Variants in GCNT3 observed in about 807,000 individuals in gnomAD.
GCNT3 encodes beta-1,3-galactosyl-O-glycosyl-glycoprotein beta-1,6-N-acetylglucosaminyltransferase 3.
For missense variants in GCNT3, 708 were observed against 530.3 expected, an observed-to-expected ratio of 1.34 and a Z score of -3.29; for synonymous variants, 269 against 195.2, an observed-to-expected ratio of 1.38 and a Z score of -3.15.
rs900360411 is a variant in GCNT3 at position 59,616,836 on chromosome 15, C to G, written c.-106C>G. 1 of 152,182 alleles carries G rather than the reference C, an allele frequency of 6.6e-6. No homozygotes were observed. Among genetic ancestry groups the G allele is most frequent in the Non-Finnish European group, 1.5e-5 (1 of 68,046 alleles). 9.4% of individuals were successfully genotyped at this position (152,182 alleles called of 1,614,324 possible). ...CAGTCTTCACTTGGAAACAGAATCA[C>G]GCCTTGTGAAGAGATCATCCCTAAG... On this transcript the variant is annotated 5_prime_UTR_variant, in exon 2 of 3. Coordinates refer to ENST00000396065, the MANE Select transcript of GCNT3 (RefSeq NM_004751.3).
rs1378719436 is a variant in GCNT3 at position 59,613,966 on chromosome 15, A to T, written c.-251+1985A>T. On this transcript the variant is annotated intron_variant, in intron 1 of 2. Transcript: ENST00000396065. ...CAGGAGTTCGAGGCTGCAGTGAGCT[A>T]TGATCTGCCACTGCACTCCAGCCTG... Among the ~76,000 whole-genome samples the T allele has an allele frequency of 2.0e-5, 3 of 152,184 alleles. No homozygotes were observed. In the East Asian group the frequency reaches 5.8e-4, roughly 29 times the overall value.
chr15:59,618,859 C>T lies in GCNT3; in HGVS notation c.621C>T (p.Leu207=), dbSNP rs1242885257. 2 of 1,614,020 alleles carry T rather than the reference C, an allele frequency of 1.2e-6. No homozygotes were observed. Among genetic ancestry groups the T allele is most frequent in the African/African-American group, 2.7e-5 (2 of 74,900 alleles). Residue 207 remains leucine (L), a synonymous_variant, in exon 3 of 3, where the codon CTC becomes CTT. Transcript: ENST00000396065. The part of the protein sequence containing the change: ...YASWSRVQAD[L]NCMEDLLQSS... ...CCTGGTCCAGGGTGCAAGCTGACCTCAACTGCATGGAAGACTTGCTCCAGA... is the reference window on the plus strand; with the variant it reads ...CCTGGTCCAGGGTGCAAGCTGACCTTAACTGCATGGAAGACTTGCTCCAGA...
chr15:59,612,581 C>T (rs1317408916), intron 1 of GCNT3, among the ~76,000 whole-genome samples: 4 of 152,160 alleles, frequency 2.6e-5, no homozygotes, highest in African/African-American at 9.7e-5. Flanking sequence ...CATCATACCC[C>T]AGGTTTCAGT....
chr15:59,615,270 C>T (rs1423081784), intron 1 of GCNT3: 1 of 152,196 alleles, frequency 6.6e-6, no homozygotes, highest in Non-Finnish European at 1.5e-5. Context: ...TGTAGCTGCA[C>T]TAAATTCAGT....
At position 59,622,158 on chromosome 15, in the gene GCNT3, T is replaced by A. The variant is rs561131964; in HGVS notation, c.*2603T>A. On this transcript the variant is annotated 3_prime_UTR_variant, in exon 3 of 3. Coordinates refer to ENST00000396065, the MANE Select transcript of GCNT3 (RefSeq NM_004751.3). ...TGAATCCCCATCTCTACTAAAAATA[T>A]AAAAATTAGCCAGACATGGTGGTGG... The A allele has an allele frequency of 2.0e-5, 3 of 151,392 alleles. No homozygotes were observed. Among genetic ancestry groups the A allele is most frequent in the Admixed American group, 1.3e-4 (2 of 15,198 alleles). 9.4% of individuals were successfully genotyped at this position (151,392 alleles called of 1,614,324 possible). A position where few individuals can be genotyped will look rare whatever the true frequency, so the allele number is the denominator to read the frequency against.
At chr15:59,615,558 T>C (rs1385582969) in intron 1 of GCNT3, among the ~76,000 whole-genome samples, 1 of 152,116 alleles carries the variant, frequency 6.6e-6, no homozygotes, top group Non-Finnish European at 1.5e-5. Context: ...ATATCTTAAC[T>C]TTATACCTAG....
At chr15:59,613,217 C>T (rs1311468445) in intron 1 of GCNT3, among the ~76,000 whole-genome samples, 1 of 152,042 alleles carries the variant, frequency 6.6e-6, no homozygotes, top group Non-Finnish European at 1.5e-5. Flanking sequence ...TGTTGCAGAT[C>T]ATTCAGCTTG....
rs2082737097 is a variant in GCNT3, at chr15:59,619,454, C to T, written c.1216C>T (p.His406Tyr). The change falls in exon 3 of 3, where the codon CAC (histidine) becomes TAC (tyrosine). Residue 406 changes from histidine (H) to tyrosine (Y), a missense_variant. Transcript: ENST00000396065. Reference sequence around the variant, plus strand: ...CTTGAATTGGATGCTTCAAAACCATCACCTGTTGGCCAACAAGTTTGACCC... The same window carrying T: ...CTTGAATTGGATGCTTCAAAACCATTACCTGTTGGCCAACAAGTTTGACCC... ...GDLNWMLQNH[H>Y]LLANKFDPKV... 1 of 1,613,982 alleles carries T rather than the reference C, an allele frequency of 6.2e-7. No individual in the cohort carries two copies. Among genetic ancestry groups the T allele is most frequent in the Admixed American group, 1.7e-5 (1 of 59,996 alleles).
In GCNT3 at chr15:59,618,982, G is replaced by A. The variant is rs137968077; in HGVS notation, c.744G>A (p.Gly248=). The change falls in exon 3 of 3, where the codon GGG becomes GGA. Residue 248 remains glycine, a synonymous_variant. Coordinates refer to ENST00000396065, the MANE Select transcript of GCNT3 (RefSeq NM_004751.3). ...TCCAGGCTCTCAAGATGTTGAATGG[G>A]AGGAATAGCATGGAGTCAGAGGTAC... The part of the protein sequence containing the change: ...EMVQALKMLN[G]RNSMESEVPP... 7.2e-4 allele frequency: 1,169 copies of A among 1,614,078 alleles called. 3 individuals carry two copies. The highest frequency in any genetic ancestry group is 1.2e-3 in the Middle Eastern group (7 of 6,062).
rs142912740 is a variant in GCNT3 at position 59,619,568 on chromosome 15, G to A, written c.*13G>A. 1 of 1,487,288 alleles carries A rather than the reference G, an allele frequency of 6.7e-7. No homozygotes were observed. Among genetic ancestry groups the A allele is most frequent in the East Asian group, 2.3e-5 (1 of 44,064 alleles). 92.1% of individuals were successfully genotyped at this position (1,487,288 alleles called of 1,614,324 possible). ...GACTGAACTTTGAGACACACTATGAGAGCGTTGCTACCTGTGGGGCAAGAG... is the reference window on the plus strand; with the variant it reads ...GACTGAACTTTGAGACACACTATGAAAGCGTTGCTACCTGTGGGGCAAGAG... On this transcript the variant is annotated 3_prime_UTR_variant, in exon 3 of 3. Coordinates refer to ENST00000396065, the MANE Select transcript of GCNT3 (RefSeq NM_004751.3).
chr15:59,618,895 G>T lies in GCNT3; in HGVS notation c.657G>T (p.Pro219=), dbSNP rs200140304. ...AAGACTTGCTCCAGAGCTCAGTGCC[G>T]TGGAAATACTTCCTGAATACATGTG... ...CMEDLLQSSV[P]WKYFLNTCGT... Residue 219 remains proline (P), a synonymous_variant, in exon 3 of 3, where the codon CCG becomes CCT. Coordinates refer to ENST00000396065, the MANE Select transcript of GCNT3 (RefSeq NM_004751.3). 3.1e-6 allele frequency: 5 copies of T among 1,614,118 alleles called. No individual in the cohort carries two copies. The highest frequency in any genetic ancestry group is 3.4e-6 in the Non-Finnish European group (4 of 1,180,016).
intron 1 of GCNT3, among the ~76,000 whole-genome samples, chr15:59,615,866 C>T (rs1196732774): frequency 1.3e-5 from 2 of 152,100 alleles, no homozygotes; most frequent in East Asian, 1.9e-4. Flanking sequence ...CCAGCCTGGG[C>T]GACAGAGCCA....
intron 1 of GCNT3, among the ~76,000 whole-genome samples, chr15:59,616,238 G>A (rs1269267235): frequency 1.3e-5 from 2 of 152,166 alleles, no homozygotes; most frequent in African/African-American, 4.8e-5. Context: ...GGGAGCAGTT[G>A]CATTTGAAGA....
chr15:59,619,022 G>A lies in GCNT3; in HGVS notation c.784G>A (p.Glu262Lys). Reference protein sequence around the residue: ...MESEVPPKHKETRWKYHFEVV... With the variant: ...MESEVPPKHKKTRWKYHFEVV... ...GTCAGAGGTACCTCCTAAGCACAAA[G>A]AAACCCGCTGGAAATATCACTTTGA... The change falls in exon 3 of 3, where the codon GAA becomes AAA. Residue 262 changes from glutamate (E) to lysine (K), a missense_variant. Transcript: ENST00000396065. The A allele has an allele frequency of 1.2e-6, 2 of 1,614,118 alleles. No individual in the cohort carries two copies. Among genetic ancestry groups the A allele is most frequent in the Non-Finnish European group, 1.7e-6 (2 of 1,180,020 alleles).
At position 59,616,685 on chromosome 15, in the gene GCNT3, T is replaced by G. The variant is rs1202113499; in HGVS notation, c.-250-7T>G. 2 of 152,202 alleles carry G rather than the reference T, an allele frequency of 1.3e-5. No homozygotes were observed. The highest frequency in any genetic ancestry group is 4.8e-5 in the African/African-American group (2 of 41,442). 9.4% of individuals were successfully genotyped at this position (152,202 alleles called of 1,614,324 possible). ...GATGGAGCCACCTGCTGCCCTCTAC[T>G]TTGCAGATATTAAAGAGGAGCCTGA... On this transcript the variant is annotated splice_region_variant and splice_polypyrimidine_tract_variant and intron_variant, in intron 1 of 2. Coordinates refer to ENST00000396065, the MANE Select transcript of GCNT3 (RefSeq NM_004751.3).
Position 59,620,944 on chromosome 15 carries a change from C to A in GCNT3, c.*1389C>A, listed in dbSNP as rs1308680188. 2.5e-5 allele frequency: 3 copies of A among 120,244 alleles called. No individual in the cohort carries two copies. Among genetic ancestry groups the A allele is most frequent in the African/African-American group, 9.5e-5 (3 of 31,586 alleles). The allele number at this position is 120,244 out of a possible 1,614,324, so 7.4% of individuals were successfully genotyped here. The stretch of plus-strand genomic sequence containing the variant: ...TGTTGCCCAGGCTGGAGTGCAGTGG[C>A]ATGATCTTGGCTCACTGAAGCCTCT... On this transcript the variant is annotated 3_prime_UTR_variant, in exon 3 of 3. Transcript: ENST00000396065.
intron 1 of GCNT3, among the ~76,000 whole-genome samples, chr15:59,612,231 A>G (rs1189750664): frequency 6.6e-6 from 1 of 152,204 alleles, no homozygotes; most frequent in African/African-American, 2.4e-5. Flanking sequence ...ACAAGGATTT[A>G]TAATTCAAAG....
chr15:59,612,072 C>G (rs560433775), intron 1 of GCNT3, 91 bp downstream of exon 1: 9 of 152,254 alleles, frequency 5.9e-5, no homozygotes, highest in African/African-American at 2.2e-4. Context: ...GGGCCCTTCT[C>G]TGACGCTGGT....
rs569867643 is a variant in GCNT3 at position 59,618,762 on chromosome 15, C to G, written c.524C>G (p.Ala175Gly). Residue 175 changes from alanine (A) to glycine (G), a missense_variant, in exon 3 of 3, where the codon GCG (alanine) becomes GGG (glycine). Ala to Gly is a moderately conservative substitution (Grantham distance 60). Transcript: ENST00000396065. The part of the protein sequence containing the change: ...DEKSPETFKE[A>G]VKAIISCFPN... ...AAGTCCCCAGAAACTTTCAAAGAGG[C>G]GGTCAAAGCAATTATTTCTTGCTTC... The G allele has an allele frequency of 6.2e-7, 1 of 1,614,144 alleles. No homozygotes were observed. Among genetic ancestry groups the G allele is most frequent in the Non-Finnish European group, 8.5e-7 (1 of 1,180,002 alleles).
Sources: allele counts gnomAD v4.1 joint callset (sites outside exome capture counted in the v4.1 genomes callset), GRCh38; gene constraint gnomAD v4.1.1; transcripts MANE v1.5; gene names NCBI Gene and HGNC (gene_info 2026-07-23, HGNC 2026-07-21).